The following PXDNL variants were observed in gnomAD, a reference collection of about 807,000 sequenced individuals.
The protein encoded by PXDNL is probable oxidoreductase PXDNL.
PXDNL carries 145 observed loss-of-function variants against 150.8 expected under a neutral mutation model. That is an observed-to-expected ratio of 0.96 (90% confidence interval 0.84 to 1.10). The LOEUF (loss-of-function observed/expected upper bound fraction) is 1.10, where lower values mean the gene tolerates loss of function less well. Ranked by LOEUF, PXDNL falls within the 50% of genes least tolerant of loss-of-function variation. PXDNL has a pLI of 0.00. For synonymous variants in PXDNL, 757 were observed against 725.7 expected (o/e 1.04, Z -0.69); for missense variants, 2,087 against 1,873.9 (o/e 1.11, Z -2.10).
At chr8:51,321,339 T>A (rs1805308106) in intron 21 of PXDNL, among the ~76,000 whole-genome samples, 1 of 152,184 alleles carries the variant, frequency 6.6e-6, no homozygotes, top group African/African-American at 2.4e-5. Flanking sequence ...CAGACCAGGG[T>A]CTCTCCAACT....
At chr8:51,639,484 G>T (rs759578235) in intron 2 of PXDNL, among the ~76,000 whole-genome samples, 3 of 151,858 alleles carry the variant, frequency 2.0e-5, no homozygotes, top group Non-Finnish European at 2.9e-5. Context: ...AAAGAGAGAA[G>T]AATCAAATAG....
At chr8:51,567,656 TTG>T (rs1812855562) in intron 3 of PXDNL, among the ~76,000 whole-genome samples, 1 of 151,798 alleles carries the variant, frequency 6.6e-6, no homozygotes. Flanking sequence ...CTATCTATAA[TTG>T]ATTATACTAT....
chr8:51,548,664 C>T lies in PXDNL; in HGVS notation c.380+8176G>A, dbSNP rs562122256. On this transcript the variant is annotated intron_variant, in intron 4 of 22. Transcript: ENST00000356297. The stretch of plus-strand genomic sequence containing the variant: ...AGAGAATTCACCTCTATCAACCCAG[C>T]ACTACAAAAAAATGCTAACTCTTGA... Among the ~76,000 whole-genome samples, 6 of 152,152 alleles carry T rather than the reference C, an allele frequency of 3.9e-5. 1 individual carries two copies. The South Asian group carries it at 1.2e-3, about 32-fold the overall frequency.
At chr8:51,573,924 G>C (rs1475571604) in intron 3 of PXDNL, among the ~76,000 whole-genome samples, 1 of 151,944 alleles carries the variant, frequency 6.6e-6, no homozygotes, top group Admixed American at 6.6e-5. Flanking sequence ...TTAGGACACA[G>C]ACACAGAGTA....
rs184212084 is a variant in PXDNL, at chr8:51,508,884, T to G, written c.381-9114A>C. Among the ~76,000 whole-genome samples the G allele has an allele frequency of 2.1e-3, 321 of 152,342 alleles. 1 individual carries two copies. Among genetic ancestry groups the G allele is most frequent in the Non-Finnish European group, 4.1e-3 (276 of 68,030 alleles). Reference sequence around the variant, plus strand: ...GAGGACCACACTTCCTTCTAGTTGTTTAGGGCAAGAATCTCAGTAATTCCT... The same window carrying G: ...GAGGACCACACTTCCTTCTAGTTGTGTAGGGCAAGAATCTCAGTAATTCCT... On this transcript the variant is annotated intron_variant, in intron 4 of 22. Coordinates refer to ENST00000356297, the MANE Select transcript of PXDNL (RefSeq NM_144651.5).
chr8:51,564,220 T>G (rs1812768576), intron 3 of PXDNL, among the ~76,000 whole-genome samples: 1 of 151,944 alleles, frequency 6.6e-6, no homozygotes, highest in Non-Finnish European at 1.5e-5. Context: ...ACACAATGTT[T>G]GACAAAAAGC....
intron 2 of PXDNL, among the ~76,000 whole-genome samples, chr8:51,637,567 T>C (rs1458762144): frequency 6.6e-6 from 1 of 152,186 alleles, no homozygotes; most frequent in Non-Finnish European, 1.5e-5. Flanking sequence ...CAAGCTTCAG[T>C]AGCCGATTCT....
At chr8:51,361,258 T>G (rs899548460) in intron 19 of PXDNL, among the ~76,000 whole-genome samples, 2 of 152,164 alleles carry the variant, frequency 1.3e-5, no homozygotes, top group African/African-American at 4.8e-5. Flanking sequence ...CTGGCTTGGA[T>G]CCAGTTAGAG....
At chr8:51,620,107 T>C (rs1814216666) in intron 2 of PXDNL, among the ~76,000 whole-genome samples, 1 of 152,212 alleles carries the variant, frequency 6.6e-6, no homozygotes, top group South Asian at 2.1e-4. Flanking sequence ...TCAAAAATTT[T>C]GTTGTGAAAA....
At chr8:51,493,330 G>T (rs1810946274) in intron 5 of PXDNL, among the ~76,000 whole-genome samples, 1 of 151,760 alleles carries the variant, frequency 6.6e-6, no homozygotes, top group South Asian at 2.1e-4. Flanking sequence ...CAAAGATGGG[G>T]AAAAAAACAG....
At chr8:51,681,865 T>G (rs142585171) in intron 1 of PXDNL, among the ~76,000 whole-genome samples, 152 of 152,274 alleles carry the variant, frequency 1.0e-3, no homozygotes, top group African/African-American at 3.4e-3. Context: ...TGGGCATGAG[T>G]ACACTCAACA....
intron 1 of PXDNL, among the ~76,000 whole-genome samples, chr8:51,715,702 G>A (rs1816602668): frequency 6.6e-6 from 1 of 152,140 alleles, no homozygotes; most frequent in African/African-American, 2.4e-5. Context: ...AGATCCTTAT[G>A]AATATAGGGC....
chr8:51,563,902 A>G (rs1177094204), intron 3 of PXDNL, among the ~76,000 whole-genome samples: 1 of 152,014 alleles, frequency 6.6e-6, no homozygotes, highest in African/African-American at 2.4e-5. Flanking sequence ...CAGATTTTCA[A>G]GTAATAATAT....
At chr8:51,380,564 AT>A (rs1807500296) in intron 17 of PXDNL, among the ~76,000 whole-genome samples, 1 of 152,102 alleles carries the variant, frequency 6.6e-6, no homozygotes, top group African/African-American at 2.4e-5. Context: ...TGGAAGAGCA[AT>A]TTTTCTTTAT....
chr8:51,506,553 A>G, intron 4 of PXDNL, among the ~76,000 whole-genome samples: 1 of 150,890 alleles, frequency 6.6e-6, no homozygotes, highest in Non-Finnish European at 1.5e-5. Context: ...AAAAAAAAAA[A>G]AAAAAAAAAA....
intron 4 of PXDNL, among the ~76,000 whole-genome samples, chr8:51,537,492 C>T (rs1054769483): frequency 6.6e-6 from 1 of 152,154 alleles, no homozygotes; most frequent in Non-Finnish European, 1.5e-5. Context: ...AACTGCACTG[C>T]TTGAAGCTGG....
intron 3 of PXDNL, among the ~76,000 whole-genome samples, chr8:51,569,976 C>T (rs998286662): frequency 4.0e-5 from 6 of 151,836 alleles, no homozygotes; most frequent in Non-Finnish European, 7.4e-5. Flanking sequence ...GCTTTTGTTG[C>T]CCGGGATCAC....
chr8:51,421,529 A>T (rs1563405160), intron 14 of PXDNL, among the ~76,000 whole-genome samples: 1 of 152,068 alleles, frequency 6.6e-6, no homozygotes, highest in East Asian at 1.9e-4. Context: ...GTGAAACCAC[A>T]TCTCTACTAA....
chr8:51,562,466 T>C (rs1322340665), intron 3 of PXDNL, among the ~76,000 whole-genome samples: 1 of 152,012 alleles, frequency 6.6e-6, no homozygotes, highest in Non-Finnish European at 1.5e-5. Context: ...ATTTATTTCC[T>C]TTTAAGTCTC....
Sources: gnomAD v4.1 joint callset for allele counts (sites outside exome capture counted in the v4.1 genomes callset) on GRCh38, gnomAD v4.1.1 for gene constraint, MANE v1.5 for transcripts, NCBI Gene and HGNC (gene_info 2026-07-23, HGNC 2026-07-21) for gene names.